Variants in ASCC3 observed in about 807,000 individuals in gnomAD.
ASCC3 encodes the protein activating signal cointegrator 1 complex subunit 3, also known as ASC-1 complex subunit P200.
A neutral mutation model predicts 256.3 loss-of-function variants in ASCC3; 158 were observed. That is an observed-to-expected ratio of 0.62 (90% CI 0.54 to 0.70). The LOEUF is 0.70. Ranked by LOEUF, ASCC3 falls within the 30% of genes least tolerant of loss-of-function variation. The probability of loss-of-function intolerance (pLI) is 0.00; values close to 1 mark genes in which losing one functional copy is unlikely to be tolerated. For missense variants in ASCC3, 2,259 were observed against 2,626.0 expected (o/e 0.86, Z 3.05); for synonymous variants, 948 against 883.4 (o/e 1.07, Z -1.30).
intron 14 of ASCC3, among the ~76,000 whole-genome samples, chr6:100,671,882 G>T (rs867848686): frequency 6.6e-6 from 1 of 152,060 alleles, no homozygotes; most frequent in South Asian, 2.1e-4. Context: ...GCAAGCAACT[G>T]AGGGTATTAC....
intron 4 of ASCC3, among the ~76,000 whole-genome samples, chr6:100,815,116 C>T (rs1192668234): frequency 6.6e-6 from 1 of 152,070 alleles, no homozygotes; most frequent in African/African-American, 2.4e-5. Flanking sequence ...CATTCCTATA[C>T]ACCAACAACA....
At chr6:100,758,260 C>T (rs1781276585) in intron 10 of ASCC3, among the ~76,000 whole-genome samples, 1 of 152,140 alleles carries the variant, frequency 6.6e-6, no homozygotes, top group African/African-American at 2.4e-5. Context: ...TTGTATTTTA[C>T]TTTAAGTTCA....
chr6:100,788,934 T>C (rs1012148818), intron 8 of ASCC3, among the ~76,000 whole-genome samples: 10 of 151,968 alleles, frequency 6.6e-5, no homozygotes, highest in African/African-American at 2.2e-4. Flanking sequence ...TGTTGATATT[T>C]ACATGTTTTT....
chr6:100,647,286 T>A lies in ASCC3; in HGVS notation c.3418A>T (p.Arg1140Ter), dbSNP rs1285917703. The change falls in exon 21 of 42, where the codon AGA (arginine) becomes TGA (stop). Residue 1140 changes from arginine (R) to a stop codon, truncating the protein, a stop_gained. Coordinates refer to ENST00000369162, the MANE Select transcript of ASCC3 (RefSeq NM_006828.4). LOFTEE classifies it high-confidence loss of function. ...FSILPPHILTRLEEKKLTVDK... is the reference protein window; with the variant it reads ...FSILPPHILT ...ACAGTAAGCTTTTTTTCTTCTAATC[T>A]TGTTAGGATGTGTGGTGGTAGGATT... is the stretch of plus-strand genomic sequence containing the variant. The A allele has an allele frequency of 1.2e-6, 2 of 1,614,064 alleles. No individual in the cohort carries two copies.
intron 4 of ASCC3, among the ~76,000 whole-genome samples, chr6:100,808,346 T>C (rs922420730): frequency 2.6e-5 from 4 of 151,940 alleles, no homozygotes; most frequent in Non-Finnish European, 4.4e-5. Flanking sequence ...TAAAAATTCA[T>C]TGATATGCCA....
chr6:100,670,572 C>T (rs1041264584), intron 14 of ASCC3, among the ~76,000 whole-genome samples: 6 of 124,142 alleles, frequency 4.8e-5, no homozygotes, highest in East Asian at 5.8e-4. Context: ...TCTTCCCCCC[C>T]CCCAAATTCT....
chr6:100,659,810 C>T (rs1003067467), intron 16 of ASCC3, among the ~76,000 whole-genome samples: 21 of 151,608 alleles, frequency 1.4e-4, no homozygotes, highest in African/African-American at 5.1e-4. Flanking sequence ...GACATGCATT[C>T]ATGCGTTTTA....
chr6:100,616,348 C>T (rs1202572135), intron 30 of ASCC3, among the ~76,000 whole-genome samples: 3 of 152,196 alleles, frequency 2.0e-5, no homozygotes, highest in Admixed American at 2.0e-4. Context: ...TGTGAAAACA[C>T]TATCAATCTT....
At chr6:100,635,541 C>A (rs913724491) in intron 25 of ASCC3, among the ~76,000 whole-genome samples, 2 of 151,968 alleles carry the variant, frequency 1.3e-5, no homozygotes, top group Non-Finnish European at 2.9e-5. Context: ...CAGTTAATAG[C>A]ACTGCATTAT....
At chr6:100,708,509 A>G (rs1203824099) in intron 13 of ASCC3, among the ~76,000 whole-genome samples, 1 of 152,088 alleles carries the variant, frequency 6.6e-6, no homozygotes, top group African/African-American at 2.4e-5. Flanking sequence ...ACATCCCTCT[A>G]AACAACACTT....
chr6:100,840,075 T>A (rs1351048148), intron 4 of ASCC3, among the ~76,000 whole-genome samples: 1 of 152,136 alleles, frequency 6.6e-6, no homozygotes, highest in Non-Finnish European at 1.5e-5. Context: ...AAAGTAAAAA[T>A]AGTAATGAAT....
chr6:100,862,598 C>T (rs1773279141), intron 3 of ASCC3, among the ~76,000 whole-genome samples: 1 of 152,066 alleles, frequency 6.6e-6, no homozygotes, highest in African/African-American at 2.4e-5. Flanking sequence ...CAAGGAATCA[C>T]CTGAGAACAG....
chr6:100,754,410 G>T (rs1190324527), intron 10 of ASCC3, among the ~76,000 whole-genome samples: 1 of 152,082 alleles, frequency 6.6e-6, no homozygotes, highest in East Asian at 1.9e-4. Context: ...GGCAAGCAAT[G>T]AATAATAATC....
At chr6:100,571,570 C>T (rs1267641389) in intron 36 of ASCC3, among the ~76,000 whole-genome samples, 2 of 152,166 alleles carry the variant, frequency 1.3e-5, no homozygotes, top group Non-Finnish European at 2.9e-5. Flanking sequence ...TAATAGCTAA[C>T]ATTTACTGAT....
chr6:100,867,820 A>T, intron 2 of ASCC3, 88 bp downstream of exon 2: 2 of 1,151,542 alleles, frequency 1.7e-6, no homozygotes, highest in African/African-American at 1.5e-5. Flanking sequence ...CATGTTAACC[A>T]CATAGAATGG....
At chr6:100,634,871 A>AC (rs1442289427) in intron 25 of ASCC3, among the ~76,000 whole-genome samples, 6 of 65,774 alleles carry the variant, frequency 9.1e-5, no homozygotes, top group Admixed American at 2.1e-4. Context: ...AAACAAAAAA[A>AC]AAAAAAAAAA....
rs547547250 is a variant in ASCC3 at position 100,864,090 on chromosome 6, T to A, written c.215A>T (p.Asp72Val). 1 of 1,590,212 alleles carries A rather than the reference T, an allele frequency of 6.3e-7. No individual in the cohort carries two copies. The highest frequency in any genetic ancestry group is 1.7e-5 in the Admixed American group (1 of 59,284). The change falls in exon 3 of 42, where the codon GAT becomes GTT. Residue 72 changes from aspartate to valine, a missense_variant. Transcript: ENST00000369162. Reference protein sequence around the residue: ...KMQSINEDLKDILHAAKQIVG... With the variant: ...KMQSINEDLKVILHAAKQIVG... ...TATCTGCTTTGCAGCATGTAATATA[T>A]CTTTTAAGTCTTCATTTATACTTTG...
chr6:100,559,716 G>C (rs1389348762), intron 36 of ASCC3, among the ~76,000 whole-genome samples: 4 of 151,920 alleles, frequency 2.6e-5, no homozygotes, highest in African/African-American at 9.7e-5. Context: ...TGGACGTGGT[G>C]GTGCCTGTAA....
intron 4 of ASCC3, among the ~76,000 whole-genome samples, chr6:100,846,504 G>T (rs914025828): frequency 6.6e-6 from 1 of 152,084 alleles, no homozygotes; most frequent in Non-Finnish European, 1.5e-5. Context: ...AAAAATCATT[G>T]AACCAGACTA....
Sources: gnomAD v4.1 joint callset for allele counts (sites outside exome capture counted in the v4.1 genomes callset) on GRCh38, gnomAD v4.1.1 for gene constraint, MANE v1.5 for transcripts, NCBI Gene and HGNC (gene_info 2026-07-23, HGNC 2026-07-21) for gene names.